The following AGBL3 variants were observed in gnomAD, a reference collection of about 807,000 sequenced individuals.
AGBL3 encodes AGBL carboxypeptidase 3, also known as cytosolic carboxypeptidase 3.
In AGBL3, 68 loss-of-function variants were observed where a neutral mutation model predicts 94.5. That is an observed-to-expected ratio of 0.72 (90% CI 0.59 to 0.88). The LOEUF is 0.88. Ranked by LOEUF, AGBL3 falls within the 40% of genes least tolerant of loss-of-function variation. AGBL3 has a pLI of 0.00. For missense variants in AGBL3, 934 were observed against 1,103.8 expected (o/e 0.85, Z 2.18); for synonymous variants, 354 against 370.7 (o/e 0.95, Z 0.52).
At chr7:135,094,646 G>GC in intron 15 of AGBL3, 1 of 411,440 alleles carries the variant, frequency 2.4e-6, no homozygotes. Flanking sequence ...CGTAACAAGG[G>GC]CCTACTCTCT....
intron 16 of AGBL3, among the ~76,000 whole-genome samples, chr7:135,125,185 A>G (rs113170693): frequency 4.6e-5 from 7 of 152,304 alleles, no homozygotes; most frequent in African/African-American, 9.6e-5. Context: ...GAAAAATCAA[A>G]TAGACACAAT....
Position 135,034,800 on chromosome 7 carries a change from C to G in AGBL3, c.1209C>G (p.Leu403=), listed in dbSNP as rs9656447. 0.98 allele frequency: 1,528,996 copies of G among 1,552,320 alleles called. 755,085 individuals are homozygous for G. The highest frequency in any genetic ancestry group is 1 in the Non-Finnish European group (1,146,126 of 1,147,376). The stretch of plus-strand genomic sequence containing the variant: ...TTGTCTTCAAGGTGGTACCCATGCT[C>G]AATCCAGATGGTGTGATTGTGGGAA... The part of the protein sequence containing the change: ...DTFVFKVVPM[L]NPDGVIVGNY... The change falls in exon 7 of 17, where the codon CTC becomes CTG. Residue 403 remains leucine, a synonymous_variant. Coordinates refer to ENST00000436302, the MANE Select transcript of AGBL3 (RefSeq NM_178563.4).
Position 135,034,676 on chromosome 7 carries a change from G to A in AGBL3, c.1085G>A (p.Arg362Lys), listed in dbSNP as rs1816120455. The change falls in exon 7 of 17, where the codon AGG becomes AAG. Residue 362 changes from arginine to lysine, a missense_variant. Around this residue, in one of 3 missense-constraint regions of AGBL3, gnomAD observed 488 missense variants for 563.6 expected, o/e 0.87. Transcript: ENST00000436302. The part of the protein sequence containing the change: ...RKRKAVILTA[R>K]VHPGETNSSW... ...CGGAAGGCTGTGATTCTGACTGCAA[G>A]GGTCCATCCAGGGGAAACCAACAGC... 3 of 1,551,496 alleles carry A rather than the reference G, an allele frequency of 1.9e-6. No homozygotes were observed. In the African/African-American group the frequency reaches 4.1e-5, roughly 21 times the overall value.
At chr7:135,015,946 G>A (rs1813742166) in intron 4 of AGBL3, among the ~76,000 whole-genome samples, 1 of 151,384 alleles carries the variant, frequency 6.6e-6, no homozygotes, top group African/African-American at 2.4e-5. Flanking sequence ...CAGGAGAATG[G>A]CGTGAACCCG....
At chr7:135,122,689 C>T (rs1481654207) in intron 16 of AGBL3, among the ~76,000 whole-genome samples, 1 of 152,164 alleles carries the variant, frequency 6.6e-6, no homozygotes, top group East Asian at 1.9e-4. Flanking sequence ...AGCAGGCACC[C>T]TTCTTTGCTA....
chr7:135,069,605 C>A (rs1356146876), intron 12 of AGBL3, among the ~76,000 whole-genome samples: 4 of 152,192 alleles, frequency 2.6e-5, no homozygotes, highest in African/African-American at 9.7e-5. Flanking sequence ...GGAAACTGAG[C>A]AACCTGCTCC....
chr7:135,131,247 A>G (rs1828718897), intron 16 of AGBL3, among the ~76,000 whole-genome samples: 3 of 152,220 alleles, frequency 2.0e-5, no homozygotes, highest in South Asian at 2.1e-4. Context: ...TTCACTCATA[A>G]GTGGGAGTTG....
chr7:135,085,105 G>A (rs1172531640), intron 15 of AGBL3, among the ~76,000 whole-genome samples: 1 of 152,032 alleles, frequency 6.6e-6, no homozygotes, highest in Non-Finnish European at 1.5e-5. Context: ...GTGCTGTTGA[G>A]CATTGTTCCA....
intron 16 of AGBL3, among the ~76,000 whole-genome samples, chr7:135,134,510 C>T (rs1328241363): frequency 6.6e-6 from 1 of 151,958 alleles, no homozygotes; most frequent in East Asian, 1.9e-4. Flanking sequence ...GAGCAAACAA[C>T]TACTTTACTT....
intron 15 of AGBL3, among the ~76,000 whole-genome samples, chr7:135,095,048 T>C (rs1200269907): frequency 6.6e-6 from 1 of 152,176 alleles, no homozygotes; most frequent in African/African-American, 2.4e-5. Context: ...TAGCCCAAGA[T>C]AGAGTCACTC....
intron 12 of AGBL3, among the ~76,000 whole-genome samples, chr7:135,060,937 T>C (rs1163083345): frequency 6.6e-6 from 1 of 152,160 alleles, no homozygotes; most frequent in African/African-American, 2.4e-5. Flanking sequence ...CTAGTTTAGA[T>C]GATAGTTCTA....
chr7:135,016,045 A>G (rs1384183757), intron 4 of AGBL3, among the ~76,000 whole-genome samples: 8 of 17,166 alleles, frequency 4.7e-4, no homozygotes, highest in Non-Finnish European at 4.1e-3. Flanking sequence ...AAAAAAAAAA[A>G]AAAAAGAAAA....
intron 15 of AGBL3, among the ~76,000 whole-genome samples, chr7:135,105,645 A>C (rs1824592042): frequency 6.6e-6 from 1 of 152,188 alleles, no homozygotes; most frequent in African/African-American, 2.4e-5. Flanking sequence ...CCTATAATAT[A>C]GTTTGAAGTC....
intron 11 of AGBL3, among the ~76,000 whole-genome samples, chr7:135,047,223 A>C (rs1006310118): frequency 6.6e-6 from 1 of 152,106 alleles, no homozygotes; most frequent in African/African-American, 2.4e-5. Context: ...TTGTTAACTT[A>C]TTGCAGAATT....
At chr7:135,059,369 T>C (rs572904363) in intron 12 of AGBL3, 134 bp downstream of exon 12, 15 of 521,224 alleles carry the variant, frequency 2.9e-5, no homozygotes, top group African/African-American at 2.8e-4. Flanking sequence ...TATGTAGATA[T>C]TTTAAATCAT....
chr7:135,125,633 C>A (rs187575518), intron 16 of AGBL3, among the ~76,000 whole-genome samples: 21 of 152,164 alleles, frequency 1.4e-4, no homozygotes, highest in Admixed American at 1.3e-3. Context: ...AACATCAATA[C>A]GAAAATCCTC....
chr7:134,997,719 G>A (rs993711998), intron 4 of AGBL3, among the ~76,000 whole-genome samples: 1 of 152,136 alleles, frequency 6.6e-6, no homozygotes, highest in African/African-American at 2.4e-5. Flanking sequence ...ATGAGGCAAG[G>A]TATTCCAAGG....
chr7:135,011,876 T>G (rs2133465343), intron 4 of AGBL3: 1 of 152,296 alleles, frequency 6.6e-6, no homozygotes, highest in African/African-American at 2.4e-5. Flanking sequence ...TTACTGAAAT[T>G]GATACATGCC....
At position 135,090,064 on chromosome 7, in the gene AGBL3, G is replaced by A. The variant is rs185002769; in HGVS notation, c.2110+8274G>A. On this transcript the variant is annotated intron_variant, in intron 15 of 16. Coordinates refer to ENST00000436302, the MANE Select transcript of AGBL3 (RefSeq NM_178563.4). ...GGCCTGACTCTGGGGAGGAAGGAGC[G>A]CTCTGGAAGTTTGGGCCCAGCAGGC... Among the ~76,000 whole-genome samples the A allele has an allele frequency of 1.4e-3, 214 of 152,264 alleles. 2 individuals carry two copies. The highest frequency in any genetic ancestry group is 4.8e-3 in the African/African-American group (201 of 41,548).
Sources: allele counts gnomAD v4.1 joint callset (sites outside exome capture counted in the v4.1 genomes callset), GRCh38; gene constraint gnomAD v4.1.1; regional missense constraint gnomAD v4.1.1; transcripts MANE v1.5; gene names NCBI Gene and HGNC (gene_info 2026-07-23, HGNC 2026-07-21).